The following TAAR5 variants were observed in gnomAD, a reference collection of about 807,000 sequenced individuals.
TAAR5 encodes the protein trace amine-associated receptor 5.
Under a neutral mutation model 21.1 loss-of-function variants are expected in TAAR5, and 27 were observed. That is an observed-to-expected ratio of 1.28 (90% CI 0.94 to 1.76). The LOEUF (loss-of-function observed/expected upper bound fraction) is 1.76, where lower values mean the gene tolerates loss of function less well. Ranked by LOEUF, TAAR5 falls within the 40% of genes most tolerant of loss-of-function variation. The pLI, the probability that TAAR5 is intolerant of heterozygous loss-of-function variation, is 0.00. For missense variants in TAAR5, 495 were observed against 405.6 expected (o/e 1.22, Z -1.89); for synonymous variants, 203 against 167.5 (o/e 1.21, Z -1.64).
the TAAR5 span, among the ~76,000 whole-genome samples, chr6:132,610,908 C>A: frequency 0.31 from 47,821 of 151,988 alleles, 12,954 homozygotes; most frequent in African/African-American, 0.73. Context: ...GTGAATCATT[C>A]GTAACAGAAA....
the TAAR5 span, among the ~76,000 whole-genome samples, chr6:132,605,689 G>C: frequency 3.9e-5 from 6 of 152,090 alleles, no homozygotes; most frequent in Admixed American, 3.3e-4. Context: ...TGGGTAATGG[G>C]ATTATTTATA....
the TAAR5 span, among the ~76,000 whole-genome samples, chr6:132,601,004 G>GGAAA: frequency 1.7e-5 from 2 of 116,808 alleles, no homozygotes; most frequent in African/African-American, 3.2e-5. Context: ...AGGGAAGGAG[G>GGAAA]GAAGGAAGGA....
the TAAR5 span, among the ~76,000 whole-genome samples, chr6:132,610,800 C>G: frequency 6.6e-6 from 1 of 152,176 alleles, no homozygotes; most frequent in Non-Finnish European, 1.5e-5. Context: ...TGAGAGTTCT[C>G]CTAGTCCAGC....
At chr6:132,602,534 G>T in the TAAR5 span, among the ~76,000 whole-genome samples, 1 of 152,106 alleles carries the variant, frequency 6.6e-6, no homozygotes, top group African/African-American at 2.4e-5. Context: ...CGAGCAATGG[G>T]GAGCTGCTGT....
chr6:132,604,146 C>CTTTTTT, the TAAR5 span, among the ~76,000 whole-genome samples: 5 of 126,002 alleles, frequency 4.0e-5, no homozygotes, highest in East Asian at 2.2e-4. Flanking sequence ...TTTTTCTTTT[C>CTTTTTT]TTTTTTTTTT....
At chr6:132,613,316 T>C in the TAAR5 span, among the ~76,000 whole-genome samples, 1 of 152,216 alleles carries the variant, frequency 6.6e-6, no homozygotes, top group South Asian at 2.1e-4. Context: ...CATAACCTGT[T>C]TATACGTTCA....
the TAAR5 span, among the ~76,000 whole-genome samples, chr6:132,597,149 AATTTATTT>A: frequency 6.6e-6 from 1 of 152,098 alleles, no homozygotes; most frequent in Non-Finnish European, 1.5e-5. Context: ...TTGTAAAGTG[AATTTATTT>A]ATTTATTTAT....
At chr6:132,606,489 G>A in the TAAR5 span, among the ~76,000 whole-genome samples, 1 of 152,106 alleles carries the variant, frequency 6.6e-6, no homozygotes. Context: ...AAGACACTTG[G>A]CAGTTCTTCT....
At chr6:132,597,402 G>A in the TAAR5 span, among the ~76,000 whole-genome samples, 1 of 152,082 alleles carries the variant, frequency 6.6e-6, no homozygotes, top group Non-Finnish European at 1.5e-5. Context: ...GAAAAGTTAT[G>A]AAAACAAGTA....
the TAAR5 span, among the ~76,000 whole-genome samples, chr6:132,601,087 AGGAG>A: frequency 4.0e-5 from 2 of 49,866 alleles, no homozygotes; most frequent in African/African-American, 6.5e-5. Context: ...GAGGGAAGGA[AGGAG>A]GGAGGGAAGG....
chr6:132,591,925 T>C (rs901492162), upstream of TAAR5, among the ~76,000 whole-genome samples: 1 of 152,220 alleles, frequency 6.6e-6, no homozygotes, highest in Non-Finnish European at 1.5e-5. Context: ...TGAGTTAAAA[T>C]TCATAAAGTG....
At chr6:132,603,126 G>T in the TAAR5 span, among the ~76,000 whole-genome samples, 5 of 151,896 alleles carry the variant, frequency 3.3e-5, no homozygotes, top group East Asian at 9.7e-4. Flanking sequence ...AAGATGGTGA[G>T]ACTCCATCTT....
chr6:132,589,901 T>C (rs1166431217), upstream of TAAR5, among the ~76,000 whole-genome samples: 2 of 152,090 alleles, frequency 1.3e-5, no homozygotes, highest in Non-Finnish European at 2.9e-5. Context: ...AGCATAGTAT[T>C]CAAGGTTTCA....
chr6:132,592,372 C>T (rs1168029632), upstream of TAAR5, among the ~76,000 whole-genome samples: 1 of 152,214 alleles, frequency 6.6e-6, no homozygotes, highest in Non-Finnish European at 1.5e-5. Flanking sequence ...CTCAAACTGG[C>T]AGACTTCACT....
At chr6:132,598,020 C>A in the TAAR5 span, among the ~76,000 whole-genome samples, 1 of 152,024 alleles carries the variant, frequency 6.6e-6, no homozygotes. Context: ...GGAAATATAG[C>A]TCAACTAGTT....
At chr6:132,613,729 G>A in the TAAR5 span, among the ~76,000 whole-genome samples, 1 of 152,150 alleles carries the variant, frequency 6.6e-6, no homozygotes, top group Non-Finnish European at 1.5e-5. Flanking sequence ...TGACTTAATA[G>A]CAACACCAAG....
chr6:132,609,347 A>C, the TAAR5 span: 1 of 227,064 alleles, frequency 4.4e-6, no homozygotes, highest in Non-Finnish European at 8.8e-6. Context: ...AAATGATTCC[A>C]GTAAATTTCA....
At chr6:132,595,020 C>A in the TAAR5 span, 1 of 152,156 alleles carries the variant, frequency 6.6e-6, no homozygotes, top group Non-Finnish European at 1.5e-5. Context: ...TGACATATTG[C>A]AATGGGTCTC....
In TAAR5 at chr6:132,589,711, C is replaced by G; in HGVS notation, c.-25G>C. Reference sequence around the variant, plus strand: ...TTTATGATTTCTACTCTTCCTCTGTCTGAGAACTGGCCACCTTCTCCACTG... The same window carrying G: ...TTTATGATTTCTACTCTTCCTCTGTGTGAGAACTGGCCACCTTCTCCACTG... On this transcript the variant is annotated 5_prime_UTR_variant, in exon 1 of 1. Transcript: ENST00000258034. 3 of 849,746 alleles carry G rather than the reference C, an allele frequency of 3.5e-6. No individual in the cohort carries two copies. Among genetic ancestry groups the G allele is most frequent in the Non-Finnish European group, 4.7e-6 (3 of 641,216 alleles). 52.6% of individuals were successfully genotyped at this position (849,746 alleles called of 1,614,324 possible).
Sources: gnomAD v4.1 joint callset for allele counts (sites outside exome capture counted in the v4.1 genomes callset) on GRCh38, gnomAD v4.1.1 for gene constraint, MANE v1.5 for transcripts, NCBI Gene and HGNC (gene_info 2026-07-23, HGNC 2026-07-21) for gene names.